ERF: variants seen among roughly 807,000 people sequenced by gnomAD.
ERF encodes the protein ETS domain-containing transcription factor ERF.
Under a neutral mutation model 41.6 loss-of-function variants are expected in ERF, and 10 were observed. That is an observed-to-expected ratio of 0.24 (90% CI 0.15 to 0.41). The LOEUF is 0.41. Among genes scored for constraint, ERF ranks in the 10% least tolerant of loss-of-function variants. The pLI is 1.00. For missense variants in ERF, 621 were observed against 763.2 expected (o/e 0.81, Z 2.19); for synonymous variants, 395 against 342.4 (o/e 1.15, Z -1.70).
At position 42,250,771 on chromosome 19, in the gene ERF, G is replaced by T. The variant is rs2036431286; in HGVS notation, c.23-206C>A. Reference sequence around the variant, plus strand: ...AGACAGGAGCTGGGGGGGAGGGGAAGCTGGAGCCCGCTCCAGCGACACCGG... The same window carrying T: ...AGACAGGAGCTGGGGGGGAGGGGAATCTGGAGCCCGCTCCAGCGACACCGG... On this transcript the variant is annotated intron_variant, in intron 1 of 3. Coordinates refer to ENST00000222329, the MANE Select transcript of ERF (RefSeq NM_006494.4). The surrounding 1 kb of genome is among the most constrained non-coding windows in gnomAD (Gnocchi z 5.1). Among the ~76,000 whole-genome samples the T allele has an allele frequency of 6.6e-6, 1 of 152,214 alleles. No homozygotes were observed. The highest frequency in any genetic ancestry group is 2.4e-5 in the African/African-American group (1 of 41,454).
intron 1 of ERF, among the ~76,000 whole-genome samples, chr19:42,253,601 A>T (rs949574751): frequency 6.6e-6 from 1 of 151,954 alleles, no homozygotes; most frequent in Admixed American, 6.5e-5. Context: ...GCCACCCGGG[A>T]GCGAGTGGAA....
intron 1 of ERF, among the ~76,000 whole-genome samples, chr19:42,251,782 C>A (rs1261176477): frequency 6.6e-6 from 1 of 152,120 alleles, no homozygotes; most frequent in Non-Finnish European, 1.5e-5. Flanking sequence ...GGATCCTTCC[C>A]CTTGGGAATC....
At position 42,248,318 on chromosome 19, in the gene ERF, T is replaced by G. The variant is rs528772136; in HGVS notation, c.*147A>C. 3.8e-3 allele frequency: 2,528 copies of G among 657,950 alleles called. 12 individuals are homozygous for G. Among genetic ancestry groups the G allele is most frequent in the South Asian group, 0.011 (163 of 14,276 alleles). 40.8% of individuals were successfully genotyped at this position (657,950 alleles called of 1,614,324 possible). On this transcript the variant is annotated 3_prime_UTR_variant, in exon 4 of 4. Transcript: ENST00000222329. This position sits in a 1 kb window ranked among gnomAD's most constrained non-coding sequence, Gnocchi z 4.2. ...CCCACCATTTTTAAAAAAAAGAAAT[T>G]AAAGTTTTATACAAAATGTGGGGAG... is the stretch of plus-strand genomic sequence containing the variant.
chr19:42,249,445 C>T lies in ERF; in HGVS notation c.667G>A (p.Ala223Thr), dbSNP rs1231984433. Residue 223 changes from alanine to threonine, a missense_variant, in exon 4 of 4, where the codon GCC becomes ACC. Around this residue, in one of 3 missense-constraint regions of ERF, gnomAD observed 569 missense variants for 625.5 expected, o/e 0.91. Coordinates refer to ENST00000222329, the MANE Select transcript of ERF (RefSeq NM_006494.4). This position sits in a 1 kb window ranked among gnomAD's most constrained non-coding sequence, Gnocchi z 8.6. ...DLGAFRGPPLARLPHDPGVFR... is the reference protein window; with the variant it reads ...DLGAFRGPPLTRLPHDPGVFR... ...ACACCAGGGTCATGGGGCAGGCGGG[C>T]CAGCGGGGGCCCTCGGAAGGCACCC... 1.3e-6 allele frequency: 2 copies of T among 1,594,320 alleles called. No homozygotes were observed. Among genetic ancestry groups the T allele is most frequent in the Non-Finnish European group, 1.7e-6 (2 of 1,171,146 alleles).
rs1410336783 is a variant in ERF, at chr19:42,250,005, C to T, written c.258-63G>A. ...GTGGGACCCAGGTCTAGACTCCACA[C>T]CTTAACACGCACTTAGGTGTGGTTC... On this transcript the variant is annotated intron_variant, in intron 2 of 3. Transcript: ENST00000222329. This position sits in a 1 kb window ranked among gnomAD's most constrained non-coding sequence, Gnocchi z 5.1. 2 of 1,443,882 alleles carry T rather than the reference C, an allele frequency of 1.4e-6. No individual in the cohort carries two copies. The highest frequency in any genetic ancestry group is 2.0e-6 in the Non-Finnish European group (2 of 1,025,634). The allele number at this position is 1,443,882 out of a possible 1,614,324, so 89.4% of individuals were successfully genotyped here.
rs1225745545 is a variant in ERF, at chr19:42,248,549, A to G, written c.1563T>C (p.Ala521=). ...CCCGCCTTGGGGTGAGGGGCCCCCC[A>G]GCCTCCCCAGGCCCCTCCCCACGCA... ...KKVRGEGPGE[A]GGPLTPRRVS... is the part of the protein sequence containing the mutation. The change falls in exon 4 of 4, where the codon GCT becomes GCC. Residue 521 remains alanine (A), a synonymous_variant. Transcript: ENST00000222329. The surrounding 1 kb of genome is among the most constrained non-coding windows in gnomAD (Gnocchi z 4.2). The G allele has an allele frequency of 1.3e-6, 2 of 1,549,786 alleles. No individual in the cohort carries two copies. The highest frequency in any genetic ancestry group is 2.3e-5 in the East Asian group (1 of 44,148).
In ERF at chr19:42,248,646, C is replaced by A; in HGVS notation, c.1466G>T (p.Ser489Ile). The change falls in exon 4 of 4, where the codon AGT (serine) becomes ATT (isoleucine). Residue 489 changes from serine to isoleucine, a missense_variant. This residue lies in a region of ERF where 569 missense variants were observed against 625.5 expected (regional missense o/e 0.91). Coordinates refer to ENST00000222329, the MANE Select transcript of ERF (RefSeq NM_006494.4). The surrounding 1 kb of genome is among the most constrained non-coding windows in gnomAD (Gnocchi z 4.2). ...PLKLRFKRRWSEDCRLEGGGG... is the reference protein window; with the variant it reads ...PLKLRFKRRWIEDCRLEGGGG... The stretch of plus-strand genomic sequence containing the variant: ...ACCCCCTTCGAGGCGACAGTCTTCA[C>A]TCCAGCGCCGCTTAAAGCGTAGCTT... 6.3e-7 allele frequency: 1 copy of A among 1,599,704 alleles called. No individual in the cohort carries two copies. The highest frequency in any genetic ancestry group is 8.5e-7 in the Non-Finnish European group (1 of 1,170,674).
In ERF at chr19:42,250,341, G is replaced by T. The variant is rs766762597; in HGVS notation, c.247C>A (p.Arg83=). Residue 83 remains arginine (R), a synonymous_variant, in exon 2 of 4, where the codon CGG becomes AGG. Transcript: ENST00000222329. The surrounding 1 kb of genome is among the most constrained non-coding windows in gnomAD (Gnocchi z 5.1). ...KPQMNYDKLS[R]ALRYYYNKRI... ...CCAGCCCGTCCTCACCGCAGGGCCC[G>T]GCTCAGCTTGTCGTAATTCATCTGG... 1.9e-6 allele frequency: 3 copies of T among 1,614,018 alleles called. No individual in the cohort carries two copies. In the Admixed American group the frequency reaches 5.0e-5, roughly 27 times the overall value.
chr19:42,249,793 G>A lies in ERF; in HGVS notation c.373+34C>T. On this transcript the variant is annotated intron_variant, in intron 3 of 3. Transcript: ENST00000222329. This position sits in a 1 kb window ranked among gnomAD's most constrained non-coding sequence, Gnocchi z 8.6. ...CTGGCCTAGCCTGAAGGGGCATGTA[G>A]ACCCTCTCCACACCAACCATCCCTG... The A allele has an allele frequency of 1.9e-6, 3 of 1,614,074 alleles. No individual in the cohort carries two copies. Among genetic ancestry groups the A allele is most frequent in the Non-Finnish European group, 2.5e-6 (3 of 1,179,982 alleles).
At chr19:42,253,172 G>A (rs1366128507) in intron 1 of ERF, among the ~76,000 whole-genome samples, 3 of 152,184 alleles carry the variant, frequency 2.0e-5, no homozygotes, top group Non-Finnish European at 4.4e-5. Context: ...GACTATGAGG[G>A]TCGGAAGGGA....
At chr19:42,254,245 G>C (rs889990325) in intron 1 of ERF, among the ~76,000 whole-genome samples, 2 of 151,604 alleles carry the variant, frequency 1.3e-5, no homozygotes, top group Non-Finnish European at 1.5e-5. Flanking sequence ...GGGAGCCTCT[G>C]CGTCTCCCCC....
intron 1 of ERF, among the ~76,000 whole-genome samples, chr19:42,254,255 C>A (rs1430889783): frequency 6.6e-6 from 1 of 151,692 alleles, no homozygotes; most frequent in Non-Finnish European, 1.5e-5. Flanking sequence ...GCGTCTCCCC[C>A]CACCTTCCCC....
intron 1 of ERF, chr19:42,253,857 C>A: frequency 9.4e-7 from 1 of 1,064,658 alleles, no homozygotes; most frequent in South Asian, 2.5e-5. Flanking sequence ...CACAGGAGCC[C>A]GAGCCGCCGC....
chr19:42,253,818 G>A (rs2036487260), intron 1 of ERF: 5 of 967,268 alleles, frequency 5.2e-6, no homozygotes, highest in Non-Finnish European at 6.2e-6. Flanking sequence ...GGGGTGGGGT[G>A]GGTGGGCCGG....
chr19:42,254,759 C>T (rs2036506212), intron 1 of ERF: 2 of 466,532 alleles, frequency 4.3e-6, no homozygotes, highest in Non-Finnish European at 7.4e-6. Context: ...GGACCAAGAC[C>T]CGCAGCACCC....
intron 1 of ERF, 66 bp downstream of exon 1, chr19:42,254,912 C>A: frequency 6.7e-7 from 1 of 1,500,400 alleles, no homozygotes; most frequent in Non-Finnish European, 8.9e-7. Context: ...TCAGCCCCCC[C>A]AAAGTTTCTC....
intron 1 of ERF, among the ~76,000 whole-genome samples, chr19:42,252,746 AG>A (rs1228984705): frequency 6.6e-6 from 1 of 151,768 alleles, no homozygotes; most frequent in Non-Finnish European, 1.5e-5. Flanking sequence ...GAGAATGAAG[AG>A]GGGGTGACGT....
intron 1 of ERF, chr19:42,251,117 G>T: frequency 3.0e-6 from 2 of 665,472 alleles, no homozygotes; most frequent in Non-Finnish European, 3.7e-6. Flanking sequence ...GGGGTGACTC[G>T]GTTGCCGATG....
chr19:42,254,001 C>T (rs1379065756), intron 1 of ERF: 6 of 959,466 alleles, frequency 6.3e-6, no homozygotes, highest in East Asian at 1.1e-4. Context: ...GGACCCCTCC[C>T]CCTGCGCGCT....
Sources: gnomAD v4.1 joint callset for allele counts (sites outside exome capture counted in the v4.1 genomes callset) on GRCh38, gnomAD v4.1.1 for gene constraint, gnomAD v4.1.1 regional missense constraint, Gnocchi (gnomAD v3.1) non-coding constraint, MANE v1.5 for transcripts, NCBI Gene and HGNC (gene_info 2026-07-23, HGNC 2026-07-21) for gene names.